The following NEDD4 variants were observed in gnomAD, a reference collection of about 807,000 sequenced individuals.
NEDD4 encodes the protein E3 ubiquitin-protein ligase NEDD4.
In NEDD4, 99 loss-of-function variants were observed where a neutral mutation model predicts 144.9. The ratio of observed to expected loss-of-function variants is 0.68; its 90% CI spans 0.58 to 0.81. The LOEUF (loss-of-function observed/expected upper bound fraction) is 0.81, where lower values mean the gene tolerates loss of function less well. Ranked by LOEUF, NEDD4 falls within the 30% of genes least tolerant of loss-of-function variation. The pLI, the probability that NEDD4 is intolerant of heterozygous loss-of-function variation, is 0.00. For synonymous variants in NEDD4, 318 were observed against 350.6 expected (o/e 0.91, Z 1.04); for missense variants, 985 against 1,065.9 (o/e 0.92, Z 1.06).
intron 5 of NEDD4, among the ~76,000 whole-genome samples, chr15:55,897,858 G>C (rs2035787950): frequency 6.6e-6 from 1 of 152,074 alleles, no homozygotes; most frequent in South Asian, 2.1e-4. Flanking sequence ...CTTTTCCCCA[G>C]GCTTCCACAT....
chr15:55,951,691 T>C, intron 2 of NEDD4, 102 bp from the exon 3 acceptor site: 11 of 812,102 alleles, frequency 1.4e-5, no homozygotes, highest in Non-Finnish European at 1.9e-5. Flanking sequence ...TTGTTAGTTA[T>C]ATCTACAATT....
At chr15:55,850,426 T>G (rs2033937589) in intron 14 of NEDD4, 116 bp downstream of exon 14, 1 of 927,794 alleles carries the variant, frequency 1.1e-6, no homozygotes, top group African/African-American at 1.7e-5. Context: ...AATATACCTT[T>G]CAATGAATAT....
At chr15:55,951,290 A>C (rs1314437422) in intron 4 of NEDD4, 86 bp downstream of exon 4, 1 of 616,322 alleles carries the variant, frequency 1.6e-6, no homozygotes. Context: ...TACATCTTCA[A>C]ATATTAAAAA....
intron 18 of NEDD4, among the ~76,000 whole-genome samples, chr15:55,843,730 C>A (rs1346818451): frequency 2.6e-5 from 4 of 151,920 alleles, no homozygotes; most frequent in Non-Finnish European, 4.4e-5. Context: ...ATGATATGAG[C>A]AGTTTCCTAT....
intron 4 of NEDD4, among the ~76,000 whole-genome samples, chr15:55,930,644 C>T (rs1296079145): frequency 6.6e-6 from 1 of 152,154 alleles, no homozygotes; most frequent in South Asian, 2.1e-4. Context: ...CCAAATTTCA[C>T]CTGAATTGTA....
chr15:55,970,467 G>A (rs2037589010), intron 1 of NEDD4, among the ~76,000 whole-genome samples: 3 of 152,186 alleles, frequency 2.0e-5, no homozygotes, highest in Non-Finnish European at 4.4e-5. Flanking sequence ...GCAAAATCCA[G>A]TACTGTGTTG....
intron 26 of NEDD4, among the ~76,000 whole-genome samples, chr15:55,833,618 A>G (rs1364608987): frequency 6.6e-6 from 1 of 152,172 alleles, no homozygotes; most frequent in Non-Finnish European, 1.5e-5. Context: ...CTGAGATGGC[A>G]CCATTGCACT....
chr15:55,838,357 A>G (rs1423504560), intron 22 of NEDD4, 152 bp downstream of exon 22: 6 of 728,366 alleles, frequency 8.2e-6, no homozygotes, highest in Non-Finnish European at 1.4e-5. Context: ...GTCAAATGTT[A>G]AAGAAAGTAC....
At chr15:55,956,495 A>G (rs1177827297) in intron 2 of NEDD4, among the ~76,000 whole-genome samples, 2 of 152,150 alleles carry the variant, frequency 1.3e-5, no homozygotes, top group Non-Finnish European at 2.9e-5. Flanking sequence ...ATTTCATTCT[A>G]TACAGACCAG....
At chr15:55,972,283 A>G (rs77518565) in intron 1 of NEDD4, among the ~76,000 whole-genome samples, 2,972 of 152,312 alleles carry the variant, frequency 0.02, 111 homozygotes, top group African/African-American at 0.069. Context: ...AGAAAGACTA[A>G]AAGATGAACC....
chr15:55,933,939 A>G (rs547722251), intron 4 of NEDD4, among the ~76,000 whole-genome samples: 1 of 152,146 alleles, frequency 6.6e-6, no homozygotes, highest in South Asian at 2.1e-4. Context: ...AGGTCACCTG[A>G]GGTCAGGAGT....
chr15:55,866,191 A>C (rs2034580157), intron 8 of NEDD4, among the ~76,000 whole-genome samples: 1 of 151,382 alleles, frequency 6.6e-6, no homozygotes, highest in Admixed American at 6.6e-5. Context: ...TGGGATTACC[A>C]GCGTGAGCCA....
At chr15:55,901,567 C>T (rs760788124) in intron 5 of NEDD4, among the ~76,000 whole-genome samples, 1 of 152,108 alleles carries the variant, frequency 6.6e-6, no homozygotes. Context: ...ATCCTGTATT[C>T]CTTTGAAAAC....
intron 4 of NEDD4, among the ~76,000 whole-genome samples, chr15:55,948,880 G>A (rs1281685579): frequency 1.3e-5 from 2 of 152,192 alleles, no homozygotes; most frequent in Non-Finnish European, 2.9e-5. Context: ...GTACCATTCA[G>A]GACATAGGCA....
rs373242677 is a variant in NEDD4, at chr15:55,927,073, G to A, written c.238-2374C>T. On this transcript the variant is annotated intron_variant, in intron 4 of 28. Transcript: ENST00000435532. Reference sequence around the variant, plus strand: ...AGCCTGGGCAACAGAGTGAGACTACGTCTCAAAAAAAAAAAAAAAAAAAAA... The same window carrying A: ...AGCCTGGGCAACAGAGTGAGACTACATCTCAAAAAAAAAAAAAAAAAAAAA... 1.8e-4 allele frequency among the ~76,000 whole-genome samples: 14 copies of A among 79,928 alleles called. 1 individual carries two copies. Among genetic ancestry groups the A allele is most frequent in the African/African-American group, 6.2e-4 (12 of 19,510 alleles). The allele number at this position is 79,928 out of a possible 152,430, so 52.4% of individuals were successfully genotyped here.
intron 5 of NEDD4, among the ~76,000 whole-genome samples, chr15:55,908,570 A>G (rs748629301): frequency 6.6e-6 from 1 of 152,214 alleles, no homozygotes; most frequent in Non-Finnish European, 1.5e-5. Flanking sequence ...CAGCATTGGT[A>G]CGATCTGTTA....
chr15:55,876,022 T>C (rs2034980238), intron 5 of NEDD4, among the ~76,000 whole-genome samples: 1 of 152,078 alleles, frequency 6.6e-6, no homozygotes, highest in African/African-American at 2.4e-5. Flanking sequence ...CTAAAATACA[T>C]TACACACAGG....
chr15:55,855,915 A>G (rs1282457285), intron 12 of NEDD4, among the ~76,000 whole-genome samples: 1 of 152,184 alleles, frequency 6.6e-6, no homozygotes, highest in Non-Finnish European at 1.5e-5. Flanking sequence ...TACCACCCAC[A>G]GTCACCAGCA....
intron 5 of NEDD4, chr15:55,905,206 T>G: frequency 2.2e-6 from 1 of 446,242 alleles, no homozygotes; most frequent in Admixed American, 2.5e-5. Flanking sequence ...TTAAGACATA[T>G]TTTACCTGGA....
Sources: gnomAD v4.1 joint callset for allele counts (sites outside exome capture counted in the v4.1 genomes callset) on GRCh38, gnomAD v4.1.1 for gene constraint, MANE v1.5 for transcripts, NCBI Gene and HGNC (gene_info 2026-07-23, HGNC 2026-07-21) for gene names.